The following TFDP2 variants were observed in gnomAD, a reference collection of about 807,000 sequenced individuals.
The protein encoded by TFDP2 is transcription factor Dp-2, also known as transcription factor Dp-2 (E2F dimerization partner 2).
TFDP2 carries 17 observed loss-of-function variants against 59.3 expected under a neutral mutation model. That is an observed-to-expected ratio of 0.29 (90% CI 0.20 to 0.43). The LOEUF is 0.43. TFDP2 is among the 20% of genes least tolerant of loss of function. The pLI, the probability that TFDP2 is intolerant of heterozygous loss-of-function variation, is 1.00. For missense variants in TFDP2, 391 were observed against 528.8 expected (o/e 0.74, Z 2.56); for synonymous variants, 180 against 194.7 (o/e 0.92, Z 0.63).
chr3:142,080,949 A>G (rs73232689), intron 3 of TFDP2, among the ~76,000 whole-genome samples: 1 of 152,226 alleles, frequency 6.6e-6, no homozygotes, highest in Non-Finnish European at 1.5e-5. Flanking sequence ...ATCCACAAGG[A>G]AACACTAGAC....
At chr3:142,056,398 A>G (rs556665217) in intron 3 of TFDP2, among the ~76,000 whole-genome samples, 1 of 152,266 alleles carries the variant, frequency 6.6e-6, no homozygotes, top group South Asian at 2.1e-4. Flanking sequence ...CAATTAAAAT[A>G]TAGTGCGGTA....
intron 4 of TFDP2, among the ~76,000 whole-genome samples, chr3:142,001,948 T>C (rs1000778987): frequency 6.6e-6 from 1 of 151,866 alleles, no homozygotes; most frequent in Non-Finnish European, 1.5e-5. Flanking sequence ...CAAGTGATCC[T>C]CTCTCCTTAG....
At chr3:142,110,038 C>T (rs1316964905) in intron 1 of TFDP2, among the ~76,000 whole-genome samples, 1 of 152,070 alleles carries the variant, frequency 6.6e-6, no homozygotes, top group Non-Finnish European at 1.5e-5. Context: ...CGCATGCCAC[C>T]ACACCCAGCT....
In TFDP2 at chr3:141,952,227, C is replaced by T; in HGVS notation, c.*286G>A. The T allele has an allele frequency of 3.8e-6, 1 of 266,636 alleles. No homozygotes were observed. Among genetic ancestry groups the T allele is most frequent in the Admixed American group, 5.6e-5 (1 of 17,908 alleles). The allele number at this position is 266,636 out of a possible 1,614,324, so 16.5% of individuals were successfully genotyped here. ...CCTCACAGAAGATAAATGAGTTGCACTCACACTGCCAACTCTTCAGGGATT... is the reference window on the plus strand; with the variant it reads ...CCTCACAGAAGATAAATGAGTTGCATTCACACTGCCAACTCTTCAGGGATT... On this transcript the variant is annotated 3_prime_UTR_variant, in exon 13 of 13. Transcript: ENST00000489671.
At chr3:142,042,779 G>A (rs1394156356) in intron 3 of TFDP2, among the ~76,000 whole-genome samples, 1 of 30,098 alleles carries the variant, frequency 3.3e-5, no homozygotes, top group Non-Finnish European at 5.9e-5. Flanking sequence ...TCGCTTTTTT[G>A]CCCAGGCTGG....
intron 1 of TFDP2, among the ~76,000 whole-genome samples, chr3:142,102,651 A>AT (rs981090097): frequency 1.6e-4 from 24 of 152,172 alleles, no homozygotes; most frequent in Admixed American, 3.3e-4. Flanking sequence ...ACTAATTCAA[A>AT]TTTTCTAGTG....
At chr3:142,097,094 G>A (rs1212821602) in intron 2 of TFDP2, among the ~76,000 whole-genome samples, 1 of 152,090 alleles carries the variant, frequency 6.6e-6, no homozygotes, top group African/African-American at 2.4e-5. Context: ...TCAGAGAAAT[G>A]TAATAAATTG....
At position 142,139,347 on chromosome 3, in the gene TFDP2, G is replaced by T. The variant is rs942095699; in HGVS notation, c.-93+9836C>A. ...TTGCCAGTCTGTGTCTTTTAATTGG[G>T]GGCATTTAGCCCATTTACATTTAAG... On this transcript the variant is annotated intron_variant, in intron 1 of 12. Transcript: ENST00000489671. Among the ~76,000 whole-genome samples the T allele has an allele frequency of 1.2e-4, 18 of 151,994 alleles. No individual in the cohort carries two copies. In the South Asian group the frequency reaches 1.2e-3, roughly 11 times the overall value.
chr3:141,953,231 A>C (rs1407450396), intron 11 of TFDP2, among the ~76,000 whole-genome samples: 1 of 152,138 alleles, frequency 6.6e-6, no homozygotes, highest in African/African-American at 2.4e-5. Flanking sequence ...AAATACGGGA[A>C]GGCAGCTTAC....
chr3:141,985,284 T>C (rs536457030), intron 6 of TFDP2, among the ~76,000 whole-genome samples: 1 of 152,164 alleles, frequency 6.6e-6, no homozygotes, highest in African/African-American at 2.4e-5. Flanking sequence ...ATCCTAGCAC[T>C]TTAGGAGGCC....
chr3:142,124,538 T>TA, intron 1 of TFDP2, among the ~76,000 whole-genome samples: 1 of 152,306 alleles, frequency 6.6e-6, no homozygotes, highest in Admixed American at 6.5e-5. Context: ...GTTAGAGCCA[T>TA]AATTTATACC....
chr3:141,976,410 G>A (rs918582499), intron 7 of TFDP2, among the ~76,000 whole-genome samples: 4 of 152,088 alleles, frequency 2.6e-5, no homozygotes, highest in Admixed American at 6.6e-5. Context: ...TGAATAAAGA[G>A]AAAAAAACTC....
chr3:141,999,369 A>G (rs536590395), intron 4 of TFDP2, among the ~76,000 whole-genome samples: 10 of 152,366 alleles, frequency 6.6e-5, no homozygotes, highest in Non-Finnish European at 1.2e-4. Flanking sequence ...TTTATGTTAT[A>G]GTAAGGCTTC....
At chr3:142,068,959 A>G (rs551994821) in intron 3 of TFDP2, among the ~76,000 whole-genome samples, 12 of 152,058 alleles carry the variant, frequency 7.9e-5, no homozygotes, top group African/African-American at 2.9e-4. Flanking sequence ...TCTGTCACCC[A>G]GGCTAAAGTG....
In TFDP2 at chr3:142,127,515, T is replaced by C. The variant is rs543048859; in HGVS notation, c.-93+21668A>G. 1.9e-4 allele frequency among the ~76,000 whole-genome samples: 29 copies of C among 152,106 alleles called. No homozygotes were observed. The East Asian group carries it at 5.4e-3, about 28-fold the overall frequency. ...AAAAATACAAATAATTTTTTGTATT[T>C]TTAGTAGGGATGGGGTTTCACCATG... On this transcript the variant is annotated intron_variant, in intron 1 of 12. Transcript: ENST00000489671.
intron 1 of TFDP2, among the ~76,000 whole-genome samples, chr3:142,129,280 G>A (rs1283619898): frequency 6.6e-6 from 1 of 151,780 alleles, no homozygotes; most frequent in Non-Finnish European, 1.5e-5. Flanking sequence ...GAAACTGGGG[G>A]TTGCTGGAGG....
chr3:141,987,578 T>C (rs1437253843), intron 6 of TFDP2, among the ~76,000 whole-genome samples: 2 of 132,936 alleles, frequency 1.5e-5, no homozygotes, highest in Non-Finnish European at 3.3e-5. Flanking sequence ...CCACTGCGCC[T>C]GGCGTGTGTG....
intron 10 of TFDP2, among the ~76,000 whole-genome samples, chr3:141,962,952 T>TA (rs1937532333): frequency 6.6e-6 from 1 of 152,170 alleles, no homozygotes; most frequent in Non-Finnish European, 1.5e-5. Flanking sequence ...AGCTAACATT[T>TA]AAAAAACACT....
At chr3:142,074,756 G>T (rs1307372455) in intron 3 of TFDP2, among the ~76,000 whole-genome samples, 1 of 152,176 alleles carries the variant, frequency 6.6e-6, no homozygotes, top group African/African-American at 2.4e-5. Context: ...GGAGGCTGAG[G>T]CATGAGAATC....
Sources: gnomAD v4.1 joint callset for allele counts (sites outside exome capture counted in the v4.1 genomes callset) on GRCh38, gnomAD v4.1.1 for gene constraint, MANE v1.5 for transcripts, NCBI Gene and HGNC (gene_info 2026-07-23, HGNC 2026-07-21) for gene names.